CCDC148: variants seen among roughly 807,000 people sequenced by gnomAD.
The protein encoded by CCDC148 is coiled-coil domain containing 148.
A neutral mutation model predicts 85.7 loss-of-function variants in CCDC148; 89 were observed. The ratio of observed to expected loss-of-function variants is 1.04; its 90% CI spans 0.87 to 1.24. The LOEUF (loss-of-function observed/expected upper bound fraction) is 1.24. CCDC148 is among the 50% of genes most tolerant of loss of function. CCDC148 has a pLI of 0.00. For synonymous variants in CCDC148, 230 were observed against 213.9 expected (o/e 1.08, Z -0.66); for missense variants, 692 against 671.7 (o/e 1.03, Z -0.33).
At chr2:158,259,086 A>ATTT (rs369264831) in intron 9 of CCDC148, among the ~76,000 whole-genome samples, 25 of 150,156 alleles carry the variant, frequency 1.7e-4, no homozygotes, top group African/African-American at 5.9e-4. Flanking sequence ...TGCACATGCC[A>ATTT]TTTTTTTTTC....
chr2:158,255,566 A>G (rs1488802068), intron 9 of CCDC148, among the ~76,000 whole-genome samples: 1 of 151,712 alleles, frequency 6.6e-6, no homozygotes, highest in Non-Finnish European at 1.5e-5. Context: ...ACGCCTAAGG[A>G]TAAGAAAGCT....
intron 1 of CCDC148, among the ~76,000 whole-genome samples, chr2:158,394,699 G>A (rs1298428268): frequency 6.6e-6 from 1 of 151,766 alleles, no homozygotes; most frequent in African/African-American, 2.4e-5. Context: ...TTGGAGAGTC[G>A]GCCCCTCCTC....
At chr2:158,442,914 G>A (rs1275518149) in intron 1 of CCDC148, among the ~76,000 whole-genome samples, 1 of 152,220 alleles carries the variant, frequency 6.6e-6, no homozygotes. Flanking sequence ...GAGACCAGAT[G>A]CAAACCCAGG....
chr2:158,258,698 TTCTC>T (rs1335946115), intron 9 of CCDC148, among the ~76,000 whole-genome samples: 5 of 151,894 alleles, frequency 3.3e-5, no homozygotes, highest in African/African-American at 4.8e-5. Flanking sequence ...ACCCATTCAG[TTCTC>T]TCTATCTCCA....
chr2:158,187,011 C>A (rs1185422365), intron 11 of CCDC148, among the ~76,000 whole-genome samples: 1 of 151,976 alleles, frequency 6.6e-6, no homozygotes, highest in Non-Finnish European at 1.5e-5. Context: ...TGAAGTTGAT[C>A]CTTAACTGGA....
At chr2:158,265,861 C>T (rs1689430035) in intron 9 of CCDC148, among the ~76,000 whole-genome samples, 1 of 152,152 alleles carries the variant, frequency 6.6e-6, no homozygotes, top group African/African-American at 2.4e-5. Flanking sequence ...CATCACAGAT[C>T]ACCCAGTTGG....
intron 1 of CCDC148, among the ~76,000 whole-genome samples, chr2:158,429,560 G>T (rs890406897): frequency 8.5e-5 from 13 of 152,138 alleles, no homozygotes; most frequent in African/African-American, 2.9e-4. Flanking sequence ...AACCTTTCAA[G>T]AAAGAAGGAG....
In CCDC148 at chr2:158,337,563, A is replaced by G. The variant is rs146092140; in HGVS notation, c.764+1163T>C. Among the ~76,000 whole-genome samples, 361 of 152,270 alleles carry G rather than the reference A, an allele frequency of 2.4e-3. 1 individual carries two copies. Among genetic ancestry groups the G allele is most frequent in the African/African-American group, 8.2e-3 (341 of 41,556 alleles). On this transcript the variant is annotated intron_variant, in intron 7 of 13. Transcript: ENST00000283233. ...ATCAATCATCAAGTGTAAATTGTAT[A>G]TTATTATTTCTCAGCTTTACTGCAA...
chr2:158,409,485 T>C (rs1181444233), intron 1 of CCDC148, among the ~76,000 whole-genome samples: 1 of 152,352 alleles, frequency 6.6e-6, no homozygotes, highest in African/African-American at 2.4e-5. Flanking sequence ...CAGACTTGCA[T>C]GGGGCCTGTA....
chr2:158,374,395 A>C (rs1478985009), intron 1 of CCDC148, among the ~76,000 whole-genome samples: 1 of 152,048 alleles, frequency 6.6e-6, no homozygotes, highest in African/African-American at 2.4e-5. Context: ...AGACACAAAT[A>C]ATGTAGTTTT....
At chr2:158,438,237 T>A (rs1687758763) in intron 1 of CCDC148, among the ~76,000 whole-genome samples, 1 of 152,022 alleles carries the variant, frequency 6.6e-6, no homozygotes, top group African/African-American at 2.4e-5. Flanking sequence ...CTACAAGGCC[T>A]CAGTAACCAA....
intron 1 of CCDC148, among the ~76,000 whole-genome samples, chr2:158,368,039 A>C (rs546484202): frequency 6.6e-5 from 10 of 152,276 alleles, no homozygotes; most frequent in Middle Eastern, 3.4e-3. Context: ...TCAAACTCTC[A>C]CATTATAATA....
chr2:158,305,671 T>G (rs770293121), intron 9 of CCDC148, among the ~76,000 whole-genome samples: 1 of 150,072 alleles, frequency 6.7e-6, no homozygotes, highest in African/African-American at 2.5e-5. Flanking sequence ...GGAAGATCAC[T>G]TGAGCCTGGG....
At chr2:158,269,797 A>G (rs1689622403) in intron 9 of CCDC148, among the ~76,000 whole-genome samples, 1 of 152,124 alleles carries the variant, frequency 6.6e-6, no homozygotes, top group Admixed American at 6.5e-5. Context: ...TTCTTCCTTG[A>G]TGTATGTCAT....
chr2:158,283,100 C>G (rs1690418131), intron 9 of CCDC148, among the ~76,000 whole-genome samples: 1 of 152,184 alleles, frequency 6.6e-6, no homozygotes, highest in Non-Finnish European at 1.5e-5. Context: ...AACCGGATCC[C>G]TTCCTCACAC....
intron 10 of CCDC148, among the ~76,000 whole-genome samples, chr2:158,230,349 T>C (rs1228870965): frequency 6.6e-6 from 1 of 152,204 alleles, no homozygotes; most frequent in African/African-American, 2.4e-5. Context: ...ATCTTTTAAA[T>C]GTCTTAAATA....
chr2:158,432,573 C>A (rs1687404129), intron 1 of CCDC148, among the ~76,000 whole-genome samples: 1 of 152,134 alleles, frequency 6.6e-6, no homozygotes, highest in African/African-American at 2.4e-5. Context: ...TTCCTTACAT[C>A]TATTAACTCA....
At chr2:158,282,518 C>T (rs1278911701) in intron 9 of CCDC148, among the ~76,000 whole-genome samples, 1 of 152,176 alleles carries the variant, frequency 6.6e-6, no homozygotes. Context: ...TGAGTGAACT[C>T]CCATTCACAA....
At chr2:158,325,289 A>G (rs1003624899) in intron 7 of CCDC148, among the ~76,000 whole-genome samples, 2 of 152,112 alleles carry the variant, frequency 1.3e-5, no homozygotes, top group African/African-American at 4.8e-5. Context: ...AACAACCTCT[A>G]TTAAAGCCAA....
Sources: allele counts gnomAD v4.1 joint callset (sites outside exome capture counted in the v4.1 genomes callset), GRCh38; gene constraint gnomAD v4.1.1; transcripts MANE v1.5; gene names NCBI Gene and HGNC (gene_info 2026-07-23, HGNC 2026-07-21).